Variants in KCP observed in about 807,000 individuals in gnomAD.
KCP encodes the protein kielin/chordin-like protein.
A neutral mutation model predicts 212.7 loss-of-function variants in KCP; 194 were observed. The observed-to-expected ratio is 0.91, with a 90% CI of 0.81 to 1.03. The LOEUF (loss-of-function observed/expected upper bound fraction) is 1.03, where lower values mean the gene tolerates loss of function less well. Ranked by LOEUF, KCP falls within the 50% of genes least tolerant of loss-of-function variation. The pLI, the probability that KCP is intolerant of heterozygous loss-of-function variation, is 0.00. For missense variants in KCP, 2,080 were observed against 2,162.5 expected (o/e 0.96, Z 0.76); for synonymous variants, 833 against 865.3 (o/e 0.96, Z 0.65).
chr7:128,878,571 C>T lies in KCP; in HGVS notation c.4298G>A (p.Gly1433Glu). The T allele has an allele frequency of 6.4e-7, 1 of 1,551,254 alleles. No individual in the cohort carries two copies. Among genetic ancestry groups the T allele is most frequent in the East Asian group, 2.4e-5 (1 of 40,920 alleles). ...GLLLPSEAAF[G>E]NSWQVSEGLW... ...TGTACCACTCACCTGCCAGCTATTC[C>T]CAAACGCAGCCTCCGAGGGCAGGAG... is the stretch of plus-strand genomic sequence containing the variant. The change falls in exon 38 of 40, where the codon GGG becomes GAG. Residue 1433 changes from glycine (G) to glutamate (E), a missense_variant. Coordinates refer to ENST00000610776, the MANE Select transcript of KCP (RefSeq NM_001366122.1).
At chr7:128,882,331 G>A (rs542273334) in intron 29 of KCP, among the ~76,000 whole-genome samples, 4 of 152,198 alleles carry the variant, frequency 2.6e-5, no homozygotes, top group South Asian at 2.1e-4. Context: ...TCTCCCTCCC[G>A]CTATCTGTAA....
intron 18 of KCP, 25 bp downstream of exon 18, chr7:128,891,426 G>C (rs1179611519): frequency 3.2e-6 from 5 of 1,548,608 alleles, no homozygotes; most frequent in Admixed American, 3.9e-5. Context: ...TCCCCTGGGC[G>C]CCTCCCACCC....
intron 2 of KCP, among the ~76,000 whole-genome samples, chr7:128,908,049 A>T (rs1209416222): frequency 6.6e-6 from 1 of 151,456 alleles, no homozygotes; most frequent in African/African-American, 2.4e-5. Flanking sequence ...GAATCACTTG[A>T]ACCCAGGAGG....
chr7:128,910,530 CCT>C (rs1255476778), intron 1 of KCP, 69 bp downstream of exon 1: 7 of 1,391,556 alleles, frequency 5.0e-6, no homozygotes, highest in Non-Finnish European at 5.8e-6. Context: ...CTCTCGGCCC[CCT>C]CAGGCCGGGC....
At chr7:128,881,528 A>G (rs978666481) in intron 31 of KCP, 98 bp downstream of exon 31, 2 of 774,700 alleles carry the variant, frequency 2.6e-6, no homozygotes, top group African/African-American at 3.6e-5. Context: ...GAAACCGAGT[A>G]CAAACCCTGG....
At chr7:128,885,375 G>T in intron 26 of KCP, 105 bp from the exon 27 acceptor site, 1 of 1,191,506 alleles carries the variant, frequency 8.4e-7, no homozygotes, top group Non-Finnish European at 1.2e-6. Context: ...CCAGGAGTGA[G>T]TTTGCAGGGA....
In KCP at chr7:128,880,410, G is replaced by A; in HGVS notation, c.3735C>T (p.Arg1245=). Residue 1245 remains arginine (R), a synonymous_variant, in exon 34 of 40, where the codon CGC becomes CGT. Transcript: ENST00000610776. ...CGGGGCCACACGAGAGCGGTGAGCA[G>A]CGCTGGCTCTGGCAACGCACGGTGC... The part of the protein sequence containing the change: ...MAGTVRCQSQ[R]CSPLSCGPDK... 6.5e-7 allele frequency: 1 copy of A among 1,543,288 alleles called. No individual in the cohort carries two copies. The highest frequency in any genetic ancestry group is 8.8e-7 in the Non-Finnish European group (1 of 1,142,308).
intron 27 of KCP, 46 bp downstream of exon 27, chr7:128,885,051 A>G: frequency 6.5e-7 from 1 of 1,548,862 alleles, no homozygotes; most frequent in South Asian, 1.2e-5. Context: ...GTGTGGGCCC[A>G]GGGCTCCCTC....
intron 7 of KCP, 95 bp from the exon 8 acceptor site, chr7:128,902,954 A>C (rs1794939198): frequency 2.2e-6 from 2 of 926,134 alleles, no homozygotes; most frequent in East Asian, 2.6e-5. Flanking sequence ...ATGCCCTCTG[A>C]GGGCTCTCTC....
intron 27 of KCP, 105 bp downstream of exon 27, chr7:128,884,992 A>C: frequency 1.3e-6 from 2 of 1,508,502 alleles, no homozygotes; most frequent in Non-Finnish European, 1.8e-6. Flanking sequence ...GACGGAGGCC[A>C]CTTCTCCAAC....
Position 128,879,833 on chromosome 7 carries a change from T to C in KCP, c.3933-4A>G, listed in dbSNP as rs1793211288. 4 of 1,550,994 alleles carry C rather than the reference T, an allele frequency of 2.6e-6. No individual in the cohort carries two copies. The highest frequency in any genetic ancestry group is 3.5e-6 in the Non-Finnish European group (4 of 1,146,952). ...GTCATCATTGGTCACGTGCACACTG[T>C]GGGCAGGAAAGTCCCAGGTGCCAAT... is the stretch of plus-strand genomic sequence containing the variant. On this transcript the variant is annotated splice_region_variant and splice_polypyrimidine_tract_variant and intron_variant, in intron 35 of 39. Transcript: ENST00000610776.
intron 2 of KCP, among the ~76,000 whole-genome samples, 165 bp from the exon 3 acceptor site, chr7:128,907,618 CA>C (rs1795193425): frequency 1.3e-5 from 2 of 152,162 alleles, no homozygotes; most frequent in African/African-American, 2.4e-5. Context: ...TCACCATTCT[CA>C]GGGGGGCACG....
intron 5 of KCP, among the ~76,000 whole-genome samples, chr7:128,904,848 A>T (rs1795043658): frequency 1.3e-5 from 2 of 152,236 alleles, no homozygotes. Flanking sequence ...AAAGTGTCCG[A>T]TAGGCACATC....
At chr7:128,907,222 G>A (rs1413984857) in intron 3 of KCP, 42 bp downstream of exon 3, 2 of 1,540,356 alleles carry the variant, frequency 1.3e-6, no homozygotes, top group East Asian at 4.9e-5. Flanking sequence ...GCCATCTGCA[G>A]GTCTTTAGGT....
intron 7 of KCP, 110 bp from the exon 8 acceptor site, chr7:128,902,969 G>T: frequency 1.3e-6 from 1 of 793,110 alleles, no homozygotes; most frequent in Non-Finnish European, 2.1e-6. Flanking sequence ...TCTCTCCCGA[G>T]CCAAGACTAG....
intron 5 of KCP, 38 bp from the exon 6 acceptor site, chr7:128,904,176 C>T: frequency 3.2e-6 from 5 of 1,539,662 alleles, no homozygotes; most frequent in Non-Finnish European, 4.4e-6. Context: ...GGTCACCAGG[C>T]AGCAGGGTGG....
intron 22 of KCP, among the ~76,000 whole-genome samples, chr7:128,887,887 A>T (rs538182164): frequency 1.3e-5 from 2 of 149,896 alleles, no homozygotes; most frequent in African/African-American, 4.9e-5. Context: ...ACATACACAT[A>T]GCCACGCACA....
In KCP at chr7:128,889,095, AGT is replaced by A. The variant is rs58541288; in HGVS notation, c.2336-58_2336-57del. ...GAGGGACAGAAAGGGATGAGAGGGC[AGT>A]GGTCATAGGCTCTGAGCTTGGGCCT... On this transcript the variant is annotated intron_variant, in intron 21 of 39. Transcript: ENST00000610776. The A allele has an allele frequency of 2.0e-3, 2,656 of 1,314,674 alleles. 44 individuals carry two copies. The African/African-American group carries it at 0.034, about 17-fold the overall frequency. The allele number at this position is 1,314,674 out of a possible 1,614,324, so 81.4% of individuals were successfully genotyped here. A position where few individuals can be genotyped will look rare whatever the true frequency, so the allele number is the denominator to read the frequency against.
chr7:128,892,553 G>T lies in KCP; in HGVS notation c.1582C>A (p.Pro528Thr), dbSNP rs1451176206. 8 of 1,548,920 alleles carry T rather than the reference G, an allele frequency of 5.2e-6. No individual in the cohort carries two copies. The highest frequency in any genetic ancestry group is 7.0e-6 in the Non-Finnish European group (8 of 1,145,326). The change falls in exon 16 of 40, where the codon CCC becomes ACC. Residue 528 changes from proline to threonine, a missense_variant. By Grantham distance (38) the Pro-to-Thr change is conservative. Transcript: ENST00000610776. ...CAACACTGGCCTGGTCCACTCTGGG[G>T]CCTGGCACAGGTCGTGGGAGGGCAG... ...VDCPPTTCAR[P>T]QSGPGQCCPR...
Sources: gnomAD v4.1 joint callset for allele counts (sites outside exome capture counted in the v4.1 genomes callset) on GRCh38, gnomAD v4.1.1 for gene constraint, MANE v1.5 for transcripts, NCBI Gene and HGNC (gene_info 2026-07-23, HGNC 2026-07-21) for gene names.